The following HMOX2 variants were observed in gnomAD, a reference collection of about 807,000 sequenced individuals.
HMOX2 encodes heme oxygenase 2, also known as heme oxygenase (decycling) 2.
A neutral mutation model predicts 33.7 loss-of-function variants in HMOX2; 30 were observed. The ratio of observed to expected loss-of-function variants is 0.89; its 90% confidence interval spans 0.67 to 1.21. The LOEUF (loss-of-function observed/expected upper bound fraction) is 1.21. Among genes scored for constraint, HMOX2 ranks in the 50% most tolerant of loss-of-function variants. The probability of loss-of-function intolerance (pLI) is 0.00; values close to 1 mark genes in which losing one functional copy is unlikely to be tolerated. For synonymous variants in HMOX2, 155 were observed against 155.0 expected, an observed-to-expected ratio of 1.00 and a Z score of 0.00; for missense variants, 403 against 399.1, an observed-to-expected ratio of 1.01 and a Z score of -0.08.
intron 1 of HMOX2, chr16:4,488,871 C>G (rs2058240030): frequency 6.7e-6 from 1 of 148,664 alleles, no homozygotes; most frequent in Non-Finnish European, 1.5e-5. Context: ...GTCACCCAGG[C>G]TGGAGTGCAG....
chr16:4,480,741 C>T (rs1182216506), intron 1 of HMOX2, among the ~76,000 whole-genome samples: 2 of 151,292 alleles, frequency 1.3e-5, no homozygotes, highest in East Asian at 3.9e-4. Flanking sequence ...CAACTTCCAC[C>T]TCCCAGGTTT....
intron 1 of HMOX2, among the ~76,000 whole-genome samples, chr16:4,502,593 G>A (rs1796168740): frequency 6.6e-6 from 1 of 152,102 alleles, no homozygotes. Context: ...CCCTCCTCTA[G>A]ATAGCTCAGT....
chr16:4,489,775 A>T (rs992867004), intron 1 of HMOX2, among the ~76,000 whole-genome samples: 1 of 151,788 alleles, frequency 6.6e-6, no homozygotes. Flanking sequence ...AGCTAATTTT[A>T]TAATTTTTGG....
chr16:4,498,973 G>A lies in HMOX2; in HGVS notation c.-41-6511G>A, dbSNP rs373247298. Among the ~76,000 whole-genome samples, 154 of 152,330 alleles carry A rather than the reference G, an allele frequency of 1.0e-3. 1 individual carries two copies. Among genetic ancestry groups the A allele is most frequent in the Middle Eastern group, 6.8e-3 (2 of 294 alleles). The stretch of plus-strand genomic sequence containing the variant: ...CATGTGGCTCAGCCAATCTCCAGTG[G>A]CATCTGCAATGTGGGTATTCTAGCC... On this transcript the variant is annotated intron_variant, in intron 1 of 5. Coordinates refer to ENST00000570646, the MANE Select transcript of HMOX2 (RefSeq NM_002134.4).
At position 4,507,740 on chromosome 16, in the gene HMOX2, T is replaced by C. The variant is rs776135228; in HGVS notation, c.232T>C (p.Tyr78His). Residue 78 changes from tyrosine to histidine, a missense_variant, in exon 4 of 6, where the codon TAC (tyrosine) becomes CAC (histidine). By Grantham distance (83) the Tyr-to-His change is moderately conservative. Coordinates refer to ENST00000570646, the MANE Select transcript of HMOX2 (RefSeq NM_002134.4). ...KLATTALYFT[Y>H]SALEEEMERN... ...GGCCACCACGGCACTTTACTTCACA[T>C]ACTCAGCCCTCGAGGAGGAAATGGA... 2 of 1,614,140 alleles carry C rather than the reference T, an allele frequency of 1.2e-6. No homozygotes were observed. Among genetic ancestry groups the C allele is most frequent in the Non-Finnish European group, 1.7e-6 (2 of 1,180,006 alleles).
intron 1 of HMOX2, among the ~76,000 whole-genome samples, chr16:4,482,945 G>A (rs534203350): frequency 1.1e-4 from 16 of 152,100 alleles, no homozygotes; most frequent in Non-Finnish European, 2.1e-4. Context: ...CAGGAAAATC[G>A]CTTGGACCCT....
At chr16:4,498,800 A>G (rs889064775) in intron 1 of HMOX2, among the ~76,000 whole-genome samples, 6 of 152,262 alleles carry the variant, frequency 3.9e-5, no homozygotes, top group African/African-American at 1.2e-4. Context: ...TGGTAGTACC[A>G]GAGTTCAGAG....
At chr16:4,478,774 A>G (rs1349417496) in intron 1 of HMOX2, among the ~76,000 whole-genome samples, 1 of 151,654 alleles carries the variant, frequency 6.6e-6, no homozygotes, top group African/African-American at 2.4e-5. Flanking sequence ...TCAAAAAAAA[A>G]AAAAAGAAAG....
At chr16:4,488,485 A>T (rs1484503408) in intron 1 of HMOX2, among the ~76,000 whole-genome samples, 3 of 150,934 alleles carry the variant, frequency 2.0e-5, no homozygotes, top group Admixed American at 6.6e-5. Flanking sequence ...GGGATTTTTT[A>T]TTTTTTTTTC....
At chr16:4,509,215 A>G (rs773865344) in intron 4 of HMOX2, among the ~76,000 whole-genome samples, 197 bp from the exon 5 acceptor site, 29 of 152,138 alleles carry the variant, frequency 1.9e-4, no homozygotes, top group Non-Finnish European at 3.4e-4. Flanking sequence ...TTAGCCAGGT[A>G]TGGTGGTACA....
intron 1 of HMOX2, among the ~76,000 whole-genome samples, chr16:4,477,439 C>T (rs1247786304): frequency 7.0e-6 from 1 of 142,508 alleles, no homozygotes; most frequent in African/African-American, 2.6e-5. Context: ...GCAGAGGTTG[C>T]AGTGAGCCGA....
chr16:4,510,047 C>T lies in HMOX2; in HGVS notation c.*291C>T. On this transcript the variant is annotated 3_prime_UTR_variant, in exon 6 of 6. Coordinates refer to ENST00000570646, the MANE Select transcript of HMOX2 (RefSeq NM_002134.4). ...TTCCACACTTCTGGGCCCTAGGCTG[C>T]TTCCGGTAGTCCCTGTTTTTGCAGT... 1 of 453,362 alleles carries T rather than the reference C, an allele frequency of 2.2e-6. No homozygotes were observed. The highest frequency in any genetic ancestry group is 4.0e-6 in the Non-Finnish European group (1 of 250,510). The allele number at this position is 453,362 out of a possible 1,614,324, so 28.1% of individuals were successfully genotyped here.
intron 1 of HMOX2, among the ~76,000 whole-genome samples, chr16:4,492,336 A>T (rs1021062822): frequency 9.2e-5 from 14 of 152,016 alleles, no homozygotes; most frequent in African/African-American, 3.1e-4. Flanking sequence ...TAAAAAAAAA[A>T]AATTAAATAA....
intron 1 of HMOX2, among the ~76,000 whole-genome samples, chr16:4,492,193 G>A (rs1448850665): frequency 6.6e-6 from 1 of 151,850 alleles, no homozygotes; most frequent in Non-Finnish European, 1.5e-5. Context: ...TTTAAAATTA[G>A]CATAGTGGTG....
rs866573142 is a variant in HMOX2 at position 4,509,449 on chromosome 16, C to G, written c.734C>G (p.Ala245Gly). Residue 245 changes from alanine to glycine, a missense_variant, in exon 5 of 6, where the codon GCC becomes GGC. By Grantham distance (60) the Ala-to-Gly change is moderately conservative (BLOSUM62 0). Coordinates refer to ENST00000570646, the MANE Select transcript of HMOX2 (RefSeq NM_002134.4). ...NELDQAGSTLARETLEDGFPV... is the reference protein window; with the variant it reads ...NELDQAGSTLGRETLEDGFPV... ...CTGGACCAGGCCGGCTCCACACTGG[C>G]CAGAGAGACCTTGGAGGATGGGTTC... 6.2e-7 allele frequency: 1 copy of G among 1,614,090 alleles called. No homozygotes were observed. The highest frequency in any genetic ancestry group is 8.5e-7 in the Non-Finnish European group (1 of 1,180,018).
intron 1 of HMOX2, among the ~76,000 whole-genome samples, chr16:4,486,068 C>T (rs1263043138): frequency 3.3e-5 from 5 of 152,194 alleles, no homozygotes; most frequent in African/African-American, 4.8e-5. Flanking sequence ...GAGAGAGAAT[C>T]TGAAGCCTTG....
chr16:4,507,719 A>G lies in HMOX2; in HGVS notation c.211A>G (p.Thr71Ala), dbSNP rs774501801. The part of the protein sequence containing the change: ...NIKKELFKLA[T>A]TALYFTYSAL... ...CCTCCTGTCACCTCCACAGCTGGCC[A>G]CCACGGCACTTTACTTCACATACTC... Residue 71 changes from threonine to alanine, a missense_variant, in exon 4 of 6, where the codon ACC becomes GCC. Transcript: ENST00000570646. 6.2e-7 allele frequency: 1 copy of G among 1,613,430 alleles called. No homozygotes were observed. The highest frequency in any genetic ancestry group is 1.7e-5 in the Admixed American group (1 of 60,010).
intron 1 of HMOX2, among the ~76,000 whole-genome samples, chr16:4,500,355 C>G (rs113207637): frequency 8.7e-4 from 133 of 152,302 alleles, no homozygotes; most frequent in African/African-American, 3.1e-3. Flanking sequence ...TGAGCAGCCA[C>G]TTAGCCTCCC....
intron 1 of HMOX2, among the ~76,000 whole-genome samples, chr16:4,478,991 C>A (rs2057945235): frequency 2.0e-5 from 3 of 151,894 alleles, no homozygotes; most frequent in Admixed American, 2.0e-4. Context: ...CCCGTCTCTA[C>A]TAAAAATACA....
Sources: allele counts gnomAD v4.1 joint callset (sites outside exome capture counted in the v4.1 genomes callset), GRCh38; gene constraint gnomAD v4.1.1; transcripts MANE v1.5; gene names NCBI Gene and HGNC (gene_info 2026-07-23, HGNC 2026-07-21).